The following COL24A1 variants were observed in gnomAD, a reference collection of about 807,000 sequenced individuals.
The protein encoded by COL24A1 is collagen alpha-1(XXIV) chain.
COL24A1 carries 224 observed loss-of-function variants against 253.9 expected under a neutral mutation model. The ratio of observed to expected loss-of-function variants is 0.88; its 90% CI spans 0.79 to 0.99. COL24A1 has a LOEUF of 0.99. COL24A1 is among the 50% of genes least tolerant of loss of function. COL24A1 has a pLI of 0.00. For synonymous variants in COL24A1, 685 were observed against 673.7 expected, an observed-to-expected ratio of 1.02 and a Z score of -0.26; for missense variants, 2,131 against 2,068.5, an observed-to-expected ratio of 1.03 and a Z score of -0.59.
chr1:86,142,939 G>A (rs1651369428), intron 2 of COL24A1, among the ~76,000 whole-genome samples: 1 of 152,024 alleles, frequency 6.6e-6, no homozygotes, highest in Non-Finnish European at 1.5e-5. Flanking sequence ...ACATATAAAG[G>A]ATCAAGAATT....
chr1:85,760,550 G>C (rs1666749985), intron 55 of COL24A1, among the ~76,000 whole-genome samples: 1 of 152,176 alleles, frequency 6.6e-6, no homozygotes, highest in Non-Finnish European at 1.5e-5. Context: ...GATCTGCTGA[G>C]AGTAGACCAC....
chr1:86,116,631 C>G (rs1706168237), intron 3 of COL24A1, among the ~76,000 whole-genome samples: 1 of 151,828 alleles, frequency 6.6e-6, no homozygotes, highest in East Asian at 1.9e-4. Context: ...AAAAAAATAA[C>G]AGTTATTTTG....
At chr1:86,097,537 CTCCCTCCT>C (rs1704067285) in intron 5 of COL24A1, among the ~76,000 whole-genome samples, 1 of 11,418 alleles carries the variant, frequency 8.8e-5, no homozygotes. Context: ...CTCCCTCCTC[CTCCCTCCT>C]CCCTCCTCCT....
chr1:85,781,641 T>A (rs1669161652), intron 51 of COL24A1, among the ~76,000 whole-genome samples: 1 of 152,194 alleles, frequency 6.6e-6, no homozygotes, highest in Non-Finnish European at 1.5e-5. Context: ...AATAAATTTC[T>A]GTGCAGATGT....
At chr1:86,012,326 AC>A (rs1429819411) in intron 19 of COL24A1, among the ~76,000 whole-genome samples, 2 of 152,108 alleles carry the variant, frequency 1.3e-5, no homozygotes. Flanking sequence ...GCGGTGGCTC[AC>A]CCCTGTAATC....
intron 4 of COL24A1, among the ~76,000 whole-genome samples, chr1:86,114,497 C>T (rs894682924): frequency 2.6e-5 from 4 of 151,996 alleles, no homozygotes; most frequent in South Asian, 4.2e-4. Context: ...TAGAGGAGAA[C>T]GAGCAAGGTT....
chr1:86,018,137 A>T (rs924805127), intron 18 of COL24A1, among the ~76,000 whole-genome samples: 6 of 152,220 alleles, frequency 3.9e-5, no homozygotes, highest in African/African-American at 1.4e-4. Context: ...TTTCTGTCAT[A>T]TTAAGTTTCT....
chr1:85,833,775 A>G (rs1210563805), intron 43 of COL24A1, among the ~76,000 whole-genome samples: 1 of 152,198 alleles, frequency 6.6e-6, no homozygotes, highest in Non-Finnish European at 1.5e-5. Context: ...AATATGGAAT[A>G]CTATGCAGCC....
At chr1:85,937,671 A>C (rs1303638965) in intron 24 of COL24A1, among the ~76,000 whole-genome samples, 2 of 147,468 alleles carry the variant, frequency 1.4e-5, no homozygotes, top group Non-Finnish European at 3.0e-5. Flanking sequence ...CAATTCAACA[A>C]GGCTAATATA....
intron 7 of COL24A1, among the ~76,000 whole-genome samples, chr1:86,087,885 G>C (rs766998274): frequency 3.3e-5 from 5 of 152,124 alleles, no homozygotes; most frequent in Non-Finnish European, 5.9e-5. Context: ...TTCTAACTAA[G>C]GTCTAGGATG....
chr1:86,051,869 T>A (rs1210139932), intron 10 of COL24A1, among the ~76,000 whole-genome samples: 4 of 152,116 alleles, frequency 2.6e-5, no homozygotes, highest in African/African-American at 9.7e-5. Flanking sequence ...AGGATGAGTT[T>A]TGTTAGTTAT....
At chr1:86,093,253 A>ATGAT (rs2101984234) in intron 5 of COL24A1, among the ~76,000 whole-genome samples, 1 of 152,204 alleles carries the variant, frequency 6.6e-6, no homozygotes, top group African/African-American at 2.4e-5. Context: ...CAAATTAGAA[A>ATGAT]TGAACCCTCA....
chr1:86,010,363 T>G (rs635713), intron 19 of COL24A1, among the ~76,000 whole-genome samples: 27,632 of 152,082 alleles, frequency 0.18, 3,183 homozygotes, highest in African/African-American at 0.32. Context: ...CTTAAACATT[T>G]AGAGTAAAAT....
intron 39 of COL24A1, among the ~76,000 whole-genome samples, chr1:85,843,353 T>C (rs115578936): frequency 0.029 from 4,433 of 152,266 alleles, 94 homozygotes; most frequent in Non-Finnish European, 0.047. Context: ...TTGCACAAAA[T>C]TAATTTTAAA....
At chr1:85,907,100 C>G (rs1017688264) in intron 28 of COL24A1, 94 bp downstream of exon 28, 13 of 963,146 alleles carry the variant, frequency 1.3e-5, no homozygotes, top group Non-Finnish European at 1.9e-5. Context: ...AAGCAGAATT[C>G]TAGAAGGTAT....
Position 85,784,338 on chromosome 1 carries a change from C to T in COL24A1, c.4088G>A (p.Gly1363Glu). 1.2e-6 allele frequency: 2 copies of T among 1,613,876 alleles called. No individual in the cohort carries two copies. Among genetic ancestry groups the T allele is most frequent in the East Asian group, 2.2e-5 (1 of 44,868 alleles). The change falls in exon 49 of 60, where the codon GGA (glycine) becomes GAA (glutamate). Residue 1363 changes from glycine to glutamate, a missense_variant. Transcript: ENST00000370571. ...TCGGTGACCTCTTTTACCTTGAATTCCAGGTTGACCAGGTAGCCCTTGTTC... is the reference window on the plus strand; with the variant it reads ...TCGGTGACCTCTTTTACCTTGAATTTCAGGTTGACCAGGTAGCCCTTGTTC... ...KGEQGLPGQP[G>E]IQGKRGHRGA... is the part of the protein sequence containing the mutation.
intron 53 of COL24A1, among the ~76,000 whole-genome samples, chr1:85,763,122 A>C (rs185228558): frequency 6.6e-6 from 1 of 152,312 alleles, no homozygotes; most frequent in East Asian, 1.9e-4. Context: ...TATTCTATAT[A>C]AAGCTGTTTA....
At chr1:85,885,690 T>C (rs529783530) in intron 32 of COL24A1, among the ~76,000 whole-genome samples, 1 of 152,122 alleles carries the variant, frequency 6.6e-6, no homozygotes, top group South Asian at 2.1e-4. Flanking sequence ...AAAGGAAAAA[T>C]GAGGATTATA....
chr1:85,781,369 T>C, intron 51 of COL24A1, 96 bp from the exon 52 acceptor site: 1 of 777,958 alleles, frequency 1.3e-6, no homozygotes, highest in Non-Finnish European at 2.0e-6. Context: ...GAGCCATGTC[T>C]ACATAATTAT....
Sources: gnomAD v4.1 joint callset for allele counts (sites outside exome capture counted in the v4.1 genomes callset) on GRCh38, gnomAD v4.1.1 for gene constraint, MANE v1.5 for transcripts, NCBI Gene and HGNC (gene_info 2026-07-23, HGNC 2026-07-21) for gene names.